CELF2: variants seen among roughly 807,000 people sequenced by gnomAD.
The protein encoded by CELF2 is CUGBP Elav-like family member 2, also known as CUG triplet repeat RNA-binding protein 2.
Under a neutral mutation model 62.6 loss-of-function variants are expected in CELF2, and 8 were observed. That is an observed-to-expected ratio of 0.13 (90% CI 0.07 to 0.23). The LOEUF (loss-of-function observed/expected upper bound fraction) is 0.23, where lower values mean the gene tolerates loss of function less well. CELF2 is among the 10% of genes least tolerant of loss of function. The pLI is 1.00. For synonymous variants in CELF2, 258 were observed against 250.0 expected (o/e 1.03, Z -0.30); for missense variants, 333 against 671.0 (o/e 0.50, Z 5.56).
chr10:10,576,958 G>T, the CELF2 span, among the ~76,000 whole-genome samples: 10 of 152,158 alleles, frequency 6.6e-5, no homozygotes, highest in Non-Finnish European at 1.2e-4. Context: ...CCCCAGAGGG[G>T]TTTACATATT....
In CELF2 at chr10:10,965,536, T is replaced by C. The variant is rs550173738; in HGVS notation, c.89+45537T>C. Among the ~76,000 whole-genome samples the C allele has an allele frequency of 3.9e-5, 6 of 152,356 alleles. No individual in the cohort carries two copies. In the East Asian group the frequency reaches 1.2e-3, roughly 29 times the overall value. On this transcript the variant is annotated intron_variant, in intron 2 of 13. Coordinates refer to the CELF2 transcript ENST00000636488. ...CCCCAGAGTTTCTGATGTAGTCATATGGAATGAGGCTGAAATCTGCATTGC... is the reference window on the plus strand; with the variant it reads ...CCCCAGAGTTTCTGATGTAGTCATACGGAATGAGGCTGAAATCTGCATTGC...
chr10:10,760,435 G>A, the CELF2 span, among the ~76,000 whole-genome samples: 212 of 152,294 alleles, frequency 1.4e-3, 1 homozygote, highest in Non-Finnish European at 2.5e-3. Flanking sequence ...GCAGTTCTTT[G>A]ATTGCATTCA....
Position 11,207,188 on chromosome 10 carries a change from A to C in CELF2, c.272-10237A>C, listed in dbSNP as rs2060629248. On this transcript the variant is annotated intron_variant, in intron 2 of 12. Coordinates refer to ENST00000633077, the MANE Select transcript of CELF2 (RefSeq NM_001326342.2). This position sits in a 1 kb window ranked among gnomAD's most constrained non-coding sequence, Gnocchi z 4.1. ...TGTTACAGTATACACATAGCTGTGCATATTAGGCTGCACTTGCTTTCCCAA... is the reference window on the plus strand; with the variant it reads ...TGTTACAGTATACACATAGCTGTGCCTATTAGGCTGCACTTGCTTTCCCAA... Among the ~76,000 whole-genome samples, 1 of 152,262 alleles carries C rather than the reference A, an allele frequency of 6.6e-6. No individual in the cohort carries two copies. Among genetic ancestry groups the C allele is most frequent in the Non-Finnish European group, 1.5e-5 (1 of 68,042 alleles).
At chr10:11,308,260 TG>T (rs2094370324) in intron 9 of CELF2, among the ~76,000 whole-genome samples, 1 of 152,238 alleles carries the variant, frequency 6.6e-6, no homozygotes, top group Non-Finnish European at 1.5e-5. Context: ...TTATCCTACT[TG>T]GAGTTTGTTT....
At chr10:10,826,795 T>C (rs1246537597) in intron 1 of CELF2, among the ~76,000 whole-genome samples, 1 of 152,226 alleles carries the variant, frequency 6.6e-6, no homozygotes, top group African/African-American at 2.4e-5. Flanking sequence ...TTTTTGTCTC[T>C]CAGGTCCAGA....
the CELF2 span, among the ~76,000 whole-genome samples, chr10:10,505,056 C>T: frequency 6.6e-6 from 1 of 152,072 alleles, no homozygotes; most frequent in Non-Finnish European, 1.5e-5. Context: ...TTTTTCCATT[C>T]ATTTTGAGAT....
chr10:10,826,033 T>C (rs2057363147), intron 1 of CELF2, among the ~76,000 whole-genome samples: 1 of 152,190 alleles, frequency 6.6e-6, no homozygotes, highest in Non-Finnish European at 1.5e-5. Context: ...GGACTAGGAA[T>C]AGAGTCAGAT....
At chr10:11,040,164 C>T (rs2061582508) in intron 1 of CELF2, among the ~76,000 whole-genome samples, 1 of 152,144 alleles carries the variant, frequency 6.6e-6, no homozygotes, top group African/African-American at 2.4e-5. Flanking sequence ...CAGTCCAAAG[C>T]AGAAGGAAAG....
intron 1 of CELF2, among the ~76,000 whole-genome samples, chr10:10,863,784 T>C (rs2060189953): frequency 6.6e-6 from 1 of 152,158 alleles, no homozygotes; most frequent in Non-Finnish European, 1.5e-5. Context: ...TTCTTATAAA[T>C]GCCTGTATTA....
chr10:10,734,443 T>C, the CELF2 span, among the ~76,000 whole-genome samples: 1 of 152,244 alleles, frequency 6.6e-6, no homozygotes, highest in African/African-American at 2.4e-5. Flanking sequence ...TTAGGATGTA[T>C]GTGTGTCCTC....
chr10:11,018,223 C>T lies in CELF2; in HGVS notation c.74+60C>T. 3 of 1,423,020 alleles carry T rather than the reference C, an allele frequency of 2.1e-6. No homozygotes were observed. Among genetic ancestry groups the T allele is most frequent in the South Asian group, 1.3e-5 (1 of 79,772 alleles). The allele number at this position is 1,423,020 out of a possible 1,614,324, so 88.1% of individuals were successfully genotyped here. A position where few individuals can be genotyped will look rare whatever the true frequency, so the allele number is the denominator to read the frequency against. On this transcript the variant is annotated intron_variant, in intron 1 of 12. Transcript: ENST00000633077. ...GGCGTCCTCCTCCCAGAGTCGGCGG[C>T]GCGAAGGGGACGGGCGTCGCCCGCA...
rs2071817577 is a variant in CELF2 at position 11,177,921 on chromosome 10, C to G, written c.271+12239C>G. ...CACTCTCTGGGTGAAGCCAGTATGT[C>G]CTGGTGGTGGCCTTAGAAGACAGCC... On this transcript the variant is annotated intron_variant, in intron 2 of 12. Transcript: ENST00000633077. This position sits in a 1 kb window ranked among gnomAD's most constrained non-coding sequence, Gnocchi z 4.8. Among the ~76,000 whole-genome samples the G allele has an allele frequency of 6.6e-6, 1 of 152,116 alleles. No homozygotes were observed.
At chr10:10,490,222 A>C in the CELF2 span, among the ~76,000 whole-genome samples, 1 of 152,164 alleles carries the variant, frequency 6.6e-6, no homozygotes, top group Admixed American at 6.5e-5. Flanking sequence ...ATTTTGCCTA[A>C]ATTAGAAACA....
At chr10:10,942,259 T>C (rs2047135356) in intron 2 of CELF2, among the ~76,000 whole-genome samples, 1 of 152,184 alleles carries the variant, frequency 6.6e-6, no homozygotes, top group African/African-American at 2.4e-5. Flanking sequence ...GTTATCTCAG[T>C]TTCTTGGGGT....
chr10:10,894,127 A>AG (rs2062367549), intron 1 of CELF2, among the ~76,000 whole-genome samples: 1 of 152,232 alleles, frequency 6.6e-6, no homozygotes, highest in South Asian at 2.1e-4. Flanking sequence ...AGAAAAAAAA[A>AG]AGGCCAAATG....
intron 1 of CELF2, among the ~76,000 whole-genome samples, chr10:11,103,486 G>GTTTTTTTTTTTTTTTTT (rs1300138516): frequency 4.5e-5 from 3 of 66,822 alleles, no homozygotes; most frequent in Non-Finnish European, 7.4e-5. Flanking sequence ...TTTGTAGCCT[G>GTTTTTTTTTTTTTTTTT]ATTTTTTTTT....
At chr10:10,698,565 C>T in the CELF2 span, among the ~76,000 whole-genome samples, 1 of 152,214 alleles carries the variant, frequency 6.6e-6, no homozygotes. Context: ...GGATCACCTA[C>T]GTTCTCAGTA....
chr10:10,648,654 T>C, the CELF2 span, among the ~76,000 whole-genome samples: 3 of 152,218 alleles, frequency 2.0e-5, no homozygotes, highest in African/African-American at 7.2e-5. Flanking sequence ...GTCTGTAGCT[T>C]AAATGGGTCA....
At chr10:10,710,257 T>A in the CELF2 span, among the ~76,000 whole-genome samples, 1 of 152,194 alleles carries the variant, frequency 6.6e-6, no homozygotes, top group Non-Finnish European at 1.5e-5. Flanking sequence ...AATGCATTTC[T>A]CAAAATACTC....
Sources: allele counts gnomAD v4.1 joint callset (sites outside exome capture counted in the v4.1 genomes callset), GRCh38; gene constraint gnomAD v4.1.1; non-coding constraint Gnocchi (gnomAD v3.1); transcripts MANE v1.5; gene names NCBI Gene and HGNC (gene_info 2026-07-23, HGNC 2026-07-21).